The following MKLN1 variants were observed in gnomAD, a reference collection of about 807,000 sequenced individuals.
The protein encoded by MKLN1 is muskelin.
Under a neutral mutation model 99.0 loss-of-function variants are expected in MKLN1, and 18 were observed. That is an observed-to-expected ratio of 0.18 (90% CI 0.13 to 0.27). The LOEUF is 0.27. Among genes scored for constraint, MKLN1 ranks in the 10% least tolerant of loss-of-function variants. The pLI, the probability that MKLN1 is intolerant of heterozygous loss-of-function variation, is 1.00. For missense variants in MKLN1, 621 were observed against 875.9 expected, an observed-to-expected ratio of 0.71 and a Z score of 3.67; for synonymous variants, 288 against 293.2, an observed-to-expected ratio of 0.98 and a Z score of 0.18.
intron 1 of MKLN1, among the ~76,000 whole-genome samples, chr7:131,362,602 T>TTA (rs963480038): frequency 9.2e-5 from 14 of 152,082 alleles, no homozygotes; most frequent in Non-Finnish European, 2.9e-5. Flanking sequence ...CTAGTTCCAA[T>TTA]TATATATTTT....
At chr7:131,231,785 A>G (rs1797247506) in intron 3 of MKLN1, among the ~76,000 whole-genome samples, 1 of 152,226 alleles carries the variant, frequency 6.6e-6, no homozygotes, top group Admixed American at 6.5e-5. Flanking sequence ...TGCTCAGAGA[A>G]GGGGGAGGTT....
chr7:131,282,903 T>G (rs1414958377), intron 3 of MKLN1, among the ~76,000 whole-genome samples: 2 of 152,210 alleles, frequency 1.3e-5, no homozygotes, highest in Non-Finnish European at 2.9e-5. Flanking sequence ...TTTCTGGATA[T>G]GACTATAGTC....
At chr7:131,337,247 A>G (rs1356264834) in intron 1 of MKLN1, among the ~76,000 whole-genome samples, 1 of 152,138 alleles carries the variant, frequency 6.6e-6, no homozygotes, top group African/African-American at 2.4e-5. Flanking sequence ...TTGAATTTGT[A>G]GTATGACTGA....
chr7:131,352,747 T>A (rs1275213145), intron 1 of MKLN1, among the ~76,000 whole-genome samples: 1 of 152,212 alleles, frequency 6.6e-6, no homozygotes, highest in Non-Finnish European at 1.5e-5. Context: ...GTTGGAATAA[T>A]TCTTTTTATT....
intron 11 of MKLN1, among the ~76,000 whole-genome samples, chr7:131,444,815 AGTAGTAGAAGTG>A (rs1471523443): frequency 8.8e-5 from 13 of 148,162 alleles, no homozygotes; most frequent in South Asian, 2.1e-4. Flanking sequence ...TAGTAGTAGT[AGTAGTAGAAGTG>A]GAAGTGGAAG....
intron 1 of MKLN1, 151 bp from the exon 2 acceptor site, chr7:131,375,273 C>G: frequency 5.3e-6 from 3 of 564,086 alleles, no homozygotes; most frequent in East Asian, 5.8e-5. Flanking sequence ...CTACTAGAAG[C>G]TTTCTGTGCT....
intron 3 of MKLN1, among the ~76,000 whole-genome samples, chr7:131,244,694 G>A (rs938609072): frequency 3.3e-5 from 5 of 152,192 alleles, no homozygotes; most frequent in Non-Finnish European, 5.9e-5. Flanking sequence ...CGATGATGAC[G>A]ATGATGCATG....
rs543093761 is a variant in MKLN1 at position 131,416,667 on chromosome 7, T to TACC, written c.847+1958_847+1960dup. Among the ~76,000 whole-genome samples the TACC allele has an allele frequency of 1.1e-4, 17 of 152,086 alleles. No individual in the cohort carries two copies. In the East Asian group the frequency reaches 3.1e-3, roughly 28 times the overall value. The stretch of plus-strand genomic sequence containing the variant: ...GCAAAGTCTTGATGGTCAGGGTCCT[T>TACC]ACCCCTACTCCCTTTAAAAAAATAT... On this transcript the variant is annotated intron_variant, in intron 8 of 17. Coordinates refer to ENST00000352689, the MANE Select transcript of MKLN1 (RefSeq NM_013255.5).
intron 1 of MKLN1, among the ~76,000 whole-genome samples, chr7:131,342,557 C>A (rs1285390844): frequency 1.3e-5 from 2 of 152,154 alleles, no homozygotes; most frequent in Non-Finnish European, 2.9e-5. Context: ...TTTATGAATT[C>A]TTTCCTTACA....
At chr7:131,333,047 C>T (rs1337168802) in intron 1 of MKLN1, among the ~76,000 whole-genome samples, 1 of 152,138 alleles carries the variant, frequency 6.6e-6, no homozygotes, top group Non-Finnish European at 1.5e-5. Context: ...CCTCAGCCTC[C>T]TAAGTAGCTG....
intron 2 of MKLN1, among the ~76,000 whole-genome samples, chr7:131,384,117 C>A (rs988504894): frequency 6.6e-6 from 1 of 152,054 alleles, no homozygotes; most frequent in African/African-American, 2.4e-5. Context: ...TGCAACCACA[C>A]TGGCATTTTA....
intron 6 of MKLN1, among the ~76,000 whole-genome samples, chr7:131,401,241 CTATT>C (rs1252168384): frequency 7.9e-5 from 12 of 152,080 alleles, no homozygotes; most frequent in African/African-American, 2.4e-4. Flanking sequence ...GTGTAAGGCT[CTATT>C]TATTTCTGTA....
intron 8 of MKLN1, among the ~76,000 whole-genome samples, chr7:131,422,003 G>A (rs879554670): frequency 3.2e-4 from 49 of 152,300 alleles, no homozygotes; most frequent in Admixed American, 1.7e-3. Flanking sequence ...AGGTTTAGTA[G>A]TGAAGAATAA....
rs531203823 is a variant in MKLN1, at chr7:131,176,302, G to A, written c.-296-26555G>A. On this transcript the variant is annotated intron_variant, in intron 2 of 7. Transcript: ENST00000416992. ...TTATGTATTTTTAAGTTTTTCATGT[G>A]CTTTAATATTTTGATTTTGTGATAC... is the stretch of plus-strand genomic sequence containing the variant. Among the ~76,000 whole-genome samples, 98 of 152,014 alleles carry A rather than the reference G, an allele frequency of 6.4e-4. 1 individual carries two copies. The South Asian group carries it at 0.019, about 30-fold the overall frequency.
chr7:131,372,446 T>C (rs930399186), intron 1 of MKLN1, among the ~76,000 whole-genome samples: 32 of 152,248 alleles, frequency 2.1e-4, no homozygotes, highest in African/African-American at 7.5e-4. Flanking sequence ...ATTATATTAA[T>C]AACTTAGTAT....
chr7:131,115,248 A>G (rs951165730), intron 1 of MKLN1, among the ~76,000 whole-genome samples: 31 of 152,344 alleles, frequency 2.0e-4, no homozygotes, highest in African/African-American at 7.0e-4. Flanking sequence ...CTCAGGCTTC[A>G]AATTAAATGG....
In MKLN1 at chr7:131,331,772, C is replaced by T. The variant is rs531729558; in HGVS notation, c.98+3775C>T. On this transcript the variant is annotated intron_variant, in intron 1 of 17. Transcript: ENST00000352689. ...GATAAGCGCTCTAAGGTTAGAACAG[C>T]AAGAGAGGGAAAAATAGATTTTATC... Among the ~76,000 whole-genome samples, 4 of 152,140 alleles carry T rather than the reference C, an allele frequency of 2.6e-5. No homozygotes were observed. The South Asian group carries it at 8.3e-4, about 32-fold the overall frequency.
intron 7 of MKLN1, among the ~76,000 whole-genome samples, chr7:131,412,500 A>T (rs1475903189): frequency 6.6e-6 from 1 of 152,240 alleles, no homozygotes; most frequent in Non-Finnish European, 1.5e-5. Flanking sequence ...AGGTATTTAT[A>T]TTGAACATCA....
intron 1 of MKLN1, among the ~76,000 whole-genome samples, chr7:131,120,548 CAAAAAAAA>C (rs55945614): frequency 7.1e-5 from 7 of 98,144 alleles, no homozygotes; most frequent in Admixed American, 1.3e-4. Flanking sequence ...GACTCCCTCT[CAAAAAAAA>C]AAAAAAAAAG....
Sources: allele counts gnomAD v4.1 joint callset (sites outside exome capture counted in the v4.1 genomes callset), GRCh38; gene constraint gnomAD v4.1.1; transcripts MANE v1.5; gene names NCBI Gene and HGNC (gene_info 2026-07-23, HGNC 2026-07-21).